BEND7: variants seen among roughly 807,000 people sequenced by gnomAD.
The protein encoded by BEND7 is BEN domain containing 7.
A neutral mutation model predicts 50.9 loss-of-function variants in BEND7; 28 were observed. That is an observed-to-expected ratio of 0.55 (90% CI 0.41 to 0.75). The LOEUF (loss-of-function observed/expected upper bound fraction) is 0.75, where lower values mean the gene tolerates loss of function less well. Ranked by LOEUF, BEND7 falls within the 30% of genes least tolerant of loss-of-function variation. The pLI is 0.00. For synonymous variants in BEND7, 170 were observed against 183.9 expected, an observed-to-expected ratio of 0.92 and a Z score of 0.61; for missense variants, 477 against 491.3, an observed-to-expected ratio of 0.97 and a Z score of 0.28.
At chr10:13,506,967 A>G (rs2132373153) in intron 2 of BEND7, among the ~76,000 whole-genome samples, 1 of 152,276 alleles carries the variant, frequency 6.6e-6, no homozygotes, top group East Asian at 1.9e-4. Context: ...GTTTCGATGA[A>G]GAAAATCTGG....
At chr10:13,521,336 A>C (rs2079065523) in intron 2 of BEND7, among the ~76,000 whole-genome samples, 1 of 152,102 alleles carries the variant, frequency 6.6e-6, no homozygotes, top group South Asian at 2.1e-4. Context: ...TTCATCCATA[A>C]AGAGGGAAAA....
intron 2 of BEND7, among the ~76,000 whole-genome samples, chr10:13,508,889 C>T (rs563877531): frequency 1.3e-5 from 2 of 152,204 alleles, no homozygotes; most frequent in East Asian, 1.9e-4. Flanking sequence ...CAGGCCTAAG[C>T]GGCACGGCGG....
rs892668761 is a variant in BEND7 at position 13,441,206 on chromosome 10, T to G, written c.*537A>C. 2.1e-6 allele frequency: 2 copies of G among 943,898 alleles called. No homozygotes were observed. Among genetic ancestry groups the G allele is most frequent in the African/African-American group, 3.6e-5 (2 of 56,326 alleles). The allele number at this position is 943,898 out of a possible 1,614,324, so 58.5% of individuals were successfully genotyped here. ...CAACCAGGCTTGCATTGAATTCTTT[T>G]TTAAAGAACATAGTAATTTTAAAAA... On this transcript the variant is annotated 3_prime_UTR_variant, in exon 9 of 9. Coordinates refer to ENST00000466271, the MANE Select transcript of BEND7 (RefSeq NM_001369863.1).
intron 6 of BEND7, among the ~76,000 whole-genome samples, chr10:13,473,843 T>G (rs1454004936): frequency 1.3e-5 from 2 of 149,086 alleles, no homozygotes; most frequent in African/African-American, 5.0e-5. Context: ...AGACTCGGGG[T>G]TGATACCCAT....
chr10:13,445,142 A>C (rs898644838), intron 8 of BEND7: 15 of 152,118 alleles, frequency 9.9e-5, no homozygotes, highest in African/African-American at 3.4e-4. Context: ...CTAAATGATA[A>C]ACGTTTTTAT....
chr10:13,467,439 T>C (rs2074365449), intron 6 of BEND7, among the ~76,000 whole-genome samples: 1 of 152,228 alleles, frequency 6.6e-6, no homozygotes, highest in Non-Finnish European at 1.5e-5. Context: ...TCCTCTCTAG[T>C]ATGAAAGAAA....
At chr10:13,445,333 A>G (rs1836083367) in intron 8 of BEND7, 1 of 152,228 alleles carries the variant, frequency 6.6e-6, no homozygotes, top group Admixed American at 6.5e-5. Context: ...GAACATTTTA[A>G]TTGTGAAGAC....
chr10:13,494,121 A>G (rs2076863065), intron 4 of BEND7, among the ~76,000 whole-genome samples: 1 of 152,222 alleles, frequency 6.6e-6, no homozygotes, highest in Admixed American at 6.5e-5. Flanking sequence ...TTGAGTTTAA[A>G]AAAACTGAGA....
intron 2 of BEND7, among the ~76,000 whole-genome samples, chr10:13,503,570 G>C (rs1157150889): frequency 6.6e-6 from 1 of 152,172 alleles, no homozygotes; most frequent in East Asian, 1.9e-4. Context: ...AAAGTTAGCT[G>C]GGCGTGGCAG....
Position 13,452,516 on chromosome 10 carries a change from A to C in BEND7, c.1183+23T>G, listed in dbSNP as rs781062051. ...AGAATTCATAAGTGCTTCTCCAATT[A>C]TTTTTCTGCACCTTAGTCATACCTG... On this transcript the variant is annotated intron_variant, in intron 7 of 8. Coordinates refer to ENST00000466271, the MANE Select transcript of BEND7 (RefSeq NM_001369863.1). The C allele has an allele frequency of 4.4e-6, 7 of 1,582,646 alleles. No homozygotes were observed. The South Asian group carries it at 7.0e-5, about 16-fold the overall frequency.
chr10:13,528,867 G>GGGAGC lies in BEND7; in HGVS notation c.-339_-335dup. The stretch of plus-strand genomic sequence containing the variant: ...GCCCGCCGCAGCCCAACTTTCCGTT[G>GGGAGC]GGAGCGGGCCGGGCCGGGGCGCGGC... On this transcript the variant is annotated 5_prime_UTR_variant, in exon 1 of 9. Coordinates refer to ENST00000466271, the MANE Select transcript of BEND7 (RefSeq NM_001369863.1). 6.9e-6 allele frequency: 1 copy of GGGAGC among 144,542 alleles called. No homozygotes were observed. Among genetic ancestry groups the GGGAGC allele is most frequent in the East Asian group, 2.1e-4 (1 of 4,862 alleles). The allele number at this position is 144,542 out of a possible 1,614,324, so 9.0% of individuals were successfully genotyped here.
chr10:13,504,728 C>G (rs2077742021), intron 2 of BEND7, among the ~76,000 whole-genome samples: 1 of 152,168 alleles, frequency 6.6e-6, no homozygotes, highest in Admixed American at 6.5e-5. Context: ...TTCAGAAAAA[C>G]AAACACAAAG....
intron 7 of BEND7, among the ~76,000 whole-genome samples, chr10:13,448,901 G>C (rs1588633587): frequency 6.6e-6 from 1 of 151,562 alleles, no homozygotes; most frequent in Admixed American, 6.6e-5. Context: ...TGTGAACCCG[G>C]GAGGCGGAGC....
At chr10:13,441,874 A>G in intron 8 of BEND7, 124 bp from the exon 9 acceptor site, 1 of 922,298 alleles carries the variant, frequency 1.1e-6, no homozygotes, top group African/African-American at 1.7e-5. Flanking sequence ...CCCCCAAAAG[A>G]AGAAAAAGAA....
chr10:13,520,857 C>T (rs866574830), intron 2 of BEND7, among the ~76,000 whole-genome samples: 23 of 152,186 alleles, frequency 1.5e-4, no homozygotes, highest in African/African-American at 5.5e-4. Flanking sequence ...TACGTGAGAA[C>T]GACCAAGTTC....
chr10:13,523,036 C>A (rs1368459830), intron 2 of BEND7, among the ~76,000 whole-genome samples: 1 of 152,208 alleles, frequency 6.6e-6, no homozygotes, highest in East Asian at 1.9e-4. Flanking sequence ...TTTGTCCTGT[C>A]TCCTCCCCAG....
chr10:13,449,399 A>G (rs142212810), intron 7 of BEND7, among the ~76,000 whole-genome samples: 228 of 152,318 alleles, frequency 1.5e-3, no homozygotes, highest in African/African-American at 5.3e-3. Flanking sequence ...AGGACACTCT[A>G]CAAGGTGGGT....
intron 2 of BEND7, among the ~76,000 whole-genome samples, chr10:13,519,583 C>G (rs1047006005): frequency 1.3e-5 from 2 of 152,072 alleles, no homozygotes; most frequent in Non-Finnish European, 2.9e-5. Flanking sequence ...TTTGAAAAAG[C>G]GTTTTACCAT....
chr10:13,447,201 A>T (rs201514612), intron 8 of BEND7, 65 bp downstream of exon 8: 2 of 1,557,184 alleles, frequency 1.3e-6, no homozygotes, highest in Non-Finnish European at 8.9e-7. Context: ...ATCGTTTTCA[A>T]TGCAAATAGT....
Sources: allele counts gnomAD v4.1 joint callset (sites outside exome capture counted in the v4.1 genomes callset), GRCh38; gene constraint gnomAD v4.1.1; transcripts MANE v1.5; gene names NCBI Gene and HGNC (gene_info 2026-07-23, HGNC 2026-07-21).